The following FOXN2 variants were observed in gnomAD, a reference collection of about 807,000 sequenced individuals.
The protein encoded by FOXN2 is forkhead box N2.
In FOXN2, 19 loss-of-function variants were observed where a neutral mutation model predicts 41.2. That is an observed-to-expected ratio of 0.46 (90% confidence interval 0.32 to 0.68). The LOEUF is 0.68. FOXN2 is among the 30% of genes least tolerant of loss of function. FOXN2 has a pLI of 0.03. For missense variants in FOXN2, 587 were observed against 509.4 expected (o/e 1.15, Z -1.47); for synonymous variants, 195 against 176.8 (o/e 1.10, Z -0.82).
chr2:48,366,355 A>G (rs952845328), intron 5 of FOXN2, among the ~76,000 whole-genome samples: 6 of 90,954 alleles, frequency 6.6e-5, no homozygotes, highest in Non-Finnish European at 1.6e-4. Flanking sequence ...TGAGACTCCA[A>G]AAAAAAAAAA....
intron 1 of FOXN2, among the ~76,000 whole-genome samples, chr2:48,316,724 A>G (rs1434260091): frequency 6.6e-6 from 1 of 152,224 alleles, no homozygotes; most frequent in Non-Finnish European, 1.5e-5. Flanking sequence ...TTTTGAATTT[A>G]AGGACAATCC....
chr2:48,366,710 T>A (rs1488763168), intron 5 of FOXN2, among the ~76,000 whole-genome samples: 1 of 152,118 alleles, frequency 6.6e-6, no homozygotes, highest in African/African-American at 2.4e-5. Flanking sequence ...TTGCTGCCCC[T>A]CTTTTACAGA....
intron 1 of FOXN2, among the ~76,000 whole-genome samples, chr2:48,327,450 T>G (rs1320670276): frequency 6.8e-6 from 1 of 147,598 alleles, no homozygotes; most frequent in East Asian, 2.5e-4. Flanking sequence ...CTGGAGATAG[T>G]CTTTTTTTTT....
chr2:48,345,064 T>C (rs978597574), intron 2 of FOXN2, among the ~76,000 whole-genome samples: 5 of 152,018 alleles, frequency 3.3e-5, no homozygotes, highest in East Asian at 1.9e-4. Flanking sequence ...TTTGAGAAAA[T>C]AGAAATGAAA....
At chr2:48,366,587 A>G (rs1401139682) in intron 5 of FOXN2, among the ~76,000 whole-genome samples, 1 of 152,140 alleles carries the variant, frequency 6.6e-6, no homozygotes, top group African/African-American at 2.4e-5. Context: ...ATTTAGCATA[A>G]TAAGGACTTT....
Position 48,346,500 on chromosome 2 carries a change from T to G in FOXN2, c.286T>G (p.Phe96Val). The G allele has an allele frequency of 6.2e-7, 1 of 1,614,084 alleles. No homozygotes were observed. Among genetic ancestry groups the G allele is most frequent in the Non-Finnish European group, 8.5e-7 (1 of 1,179,986 alleles). The change falls in exon 3 of 7, where the codon TTT (phenylalanine) becomes GTT (valine). Residue 96 changes from phenylalanine to valine, a missense_variant. Phe to Val is a conservative substitution (Grantham distance 50, BLOSUM62 -1). Coordinates refer to ENST00000340553, the MANE Select transcript of FOXN2 (RefSeq NM_002158.4). ...CATAGAGGGAGATGATGTGCCATCC[T>G]TTGGACCAGCTTGCTACCAGAACCC... The part of the protein sequence containing the change: ...YDIEGDDVPS[F>V]GPACYQNPEK...
chr2:48,338,424 C>T (rs890868931), intron 2 of FOXN2, among the ~76,000 whole-genome samples: 2 of 150,450 alleles, frequency 1.3e-5, no homozygotes, highest in Admixed American at 6.6e-5. Context: ...GACGGAATCT[C>T]GGAATCTTGC....
At chr2:48,358,575 A>G (rs1671958521) in intron 3 of FOXN2, among the ~76,000 whole-genome samples, 2 of 152,202 alleles carry the variant, frequency 1.3e-5, no homozygotes, top group Admixed American at 6.5e-5. Context: ...TCAATAATAG[A>G]CTAGTAGTAC....
At chr2:48,366,222 G>T (rs1397741993) in intron 5 of FOXN2, among the ~76,000 whole-genome samples, 1 of 152,044 alleles carries the variant, frequency 6.6e-6, no homozygotes, top group African/African-American at 2.4e-5. Context: ...CTGGGTGTGT[G>T]TTGGCACACG....
chr2:48,314,471 C>T (rs555702930), upstream of FOXN2, among the ~76,000 whole-genome samples: 1 of 152,244 alleles, frequency 6.6e-6, no homozygotes, highest in Non-Finnish European at 1.5e-5. Context: ...CCGTGCCAGG[C>T]AGCCAGCCGG....
chr2:48,377,107 A>T lies in FOXN2; in HGVS notation c.*1664A>T, dbSNP rs1673303834. On this transcript the variant is annotated 3_prime_UTR_variant, in exon 7 of 7. Transcript: ENST00000340553. ...ATGTTCTCTGTTCTGTTTCCATGTTAAATTTAATTTAACCTGGATAGCCAC... is the reference window on the plus strand; with the variant it reads ...ATGTTCTCTGTTCTGTTTCCATGTTTAATTTAATTTAACCTGGATAGCCAC... 6.6e-6 allele frequency: 1 copy of T among 152,034 alleles called. No individual in the cohort carries two copies. Among genetic ancestry groups the T allele is most frequent in the Non-Finnish European group, 1.5e-5 (1 of 67,872 alleles). The allele number at this position is 152,034 out of a possible 1,614,324, so 9.4% of individuals were successfully genotyped here.
At chr2:48,349,837 A>T (rs1558628380) in intron 3 of FOXN2, among the ~76,000 whole-genome samples, 1 of 152,274 alleles carries the variant, frequency 6.6e-6, no homozygotes, top group Non-Finnish European at 1.5e-5. Flanking sequence ...TACCTTTGAC[A>T]GAGCACAGAA....
intron 2 of FOXN2, among the ~76,000 whole-genome samples, chr2:48,329,010 A>C (rs541696584): frequency 6.6e-6 from 1 of 152,070 alleles, no homozygotes; most frequent in Admixed American, 6.6e-5. Flanking sequence ...TTTTTACTCA[A>C]TTTAGATCTT....
intron 5 of FOXN2, among the ~76,000 whole-genome samples, chr2:48,363,631 G>A (rs906133377): frequency 2.6e-5 from 4 of 152,098 alleles, no homozygotes; most frequent in African/African-American, 9.7e-5. Context: ...TTAAATATTT[G>A]TATAGTGTTT....
At chr2:48,359,362 C>A (rs903075631) in intron 4 of FOXN2, among the ~76,000 whole-genome samples, 1 of 152,138 alleles carries the variant, frequency 6.6e-6, no homozygotes, top group Admixed American at 6.5e-5. Context: ...AGCGAGATCT[C>A]GGCTCACTGC....
At chr2:48,318,744 G>A (rs1030409806) in intron 1 of FOXN2, among the ~76,000 whole-genome samples, 4 of 152,146 alleles carry the variant, frequency 2.6e-5, no homozygotes, top group Non-Finnish European at 4.4e-5. Context: ...AGAATACAGT[G>A]GTGAGCCAGA....
chr2:48,348,827 C>T (rs937003413), intron 3 of FOXN2, among the ~76,000 whole-genome samples: 2 of 152,358 alleles, frequency 1.3e-5, no homozygotes, highest in Middle Eastern at 3.4e-3. Context: ...ACAACTTCAT[C>T]TTCTAGCTTG....
chr2:48,323,321 T>G (rs914759206), intron 1 of FOXN2, among the ~76,000 whole-genome samples: 1 of 152,242 alleles, frequency 6.6e-6, no homozygotes, highest in Non-Finnish European at 1.5e-5. Flanking sequence ...GATACCGTTT[T>G]TCATAATGGC....
chr2:48,358,073 A>G (rs2104448414), intron 3 of FOXN2, among the ~76,000 whole-genome samples: 1 of 152,212 alleles, frequency 6.6e-6, no homozygotes, highest in East Asian at 1.9e-4. Context: ...ACACCTTTTC[A>G]CAGGCAAAAG....
Sources: allele counts gnomAD v4.1 joint callset (sites outside exome capture counted in the v4.1 genomes callset), GRCh38; gene constraint gnomAD v4.1.1; transcripts MANE v1.5; gene names NCBI Gene and HGNC (gene_info 2026-07-23, HGNC 2026-07-21).